HIP1: variants seen among roughly 807,000 people sequenced by gnomAD.
The protein encoded by HIP1 is huntingtin-interacting protein 1.
In HIP1, 65 loss-of-function variants were observed where a neutral mutation model predicts 147.6. The observed-to-expected ratio is 0.44, with a 90% CI of 0.36 to 0.54. The LOEUF is 0.54. Ranked by LOEUF, HIP1 falls within the 20% of genes least tolerant of loss-of-function variation. The pLI is 0.00. For missense variants in HIP1, 1,061 were observed against 1,299.6 expected, an observed-to-expected ratio of 0.82 and a Z score of 2.82; for synonymous variants, 479 against 504.0, an observed-to-expected ratio of 0.95 and a Z score of 0.67.
At chr7:75,658,769 A>T (rs1312686691) in intron 1 of HIP1, among the ~76,000 whole-genome samples, 1 of 151,858 alleles carries the variant, frequency 6.6e-6, no homozygotes, top group Non-Finnish European at 1.5e-5. Flanking sequence ...TAAAAAAAAA[A>T]TCACCTGTAA....
chr7:75,693,152 G>A (rs1217216115), intron 1 of HIP1, among the ~76,000 whole-genome samples: 10 of 147,954 alleles, frequency 6.8e-5, no homozygotes, highest in East Asian at 5.9e-4. Context: ...GTAACAGAGC[G>A]AAACCCTGTC....
At chr7:75,604,139 C>T (rs587728105) in intron 1 of HIP1, among the ~76,000 whole-genome samples, 1 of 152,296 alleles carries the variant, frequency 6.6e-6, no homozygotes, top group East Asian at 1.9e-4. Flanking sequence ...TAGGCTGGGG[C>T]ACCATGACAA....
chr7:75,669,803 T>G (rs1450348945), intron 1 of HIP1, among the ~76,000 whole-genome samples: 2 of 152,148 alleles, frequency 1.3e-5, no homozygotes, highest in Non-Finnish European at 2.9e-5. Flanking sequence ...ACTTCATTCC[T>G]TTATTTATTT....
At chr7:75,733,253 C>T (rs1393799772) in intron 1 of HIP1, among the ~76,000 whole-genome samples, 3 of 151,986 alleles carry the variant, frequency 2.0e-5, no homozygotes, top group African/African-American at 7.2e-5. Context: ...TGACCCTGGG[C>T]ACGTTACCAA....
intron 1 of HIP1, among the ~76,000 whole-genome samples, chr7:75,645,221 A>T (rs1331019715): frequency 1.3e-5 from 2 of 151,730 alleles, no homozygotes; most frequent in Non-Finnish European, 2.9e-5. Flanking sequence ...TTTTATTTTT[A>T]ATTTATTTTA....
intron 24 of HIP1, among the ~76,000 whole-genome samples, chr7:75,547,331 G>A (rs774831766): frequency 1.3e-5 from 2 of 152,126 alleles, no homozygotes; most frequent in African/African-American, 2.4e-5. Context: ...GCAGAGGCAC[G>A]ATCTTGGCTC....
intron 1 of HIP1, among the ~76,000 whole-genome samples, chr7:75,639,492 C>T (rs1296196770): frequency 6.6e-6 from 1 of 151,824 alleles, no homozygotes; most frequent in East Asian, 1.9e-4. Flanking sequence ...CAAAAGGTGG[C>T]TTCTCCCCAG....
intron 2 of HIP1, among the ~76,000 whole-genome samples, chr7:75,596,328 C>T (rs1484940490): frequency 4.0e-5 from 6 of 151,412 alleles, no homozygotes; most frequent in African/African-American, 1.2e-4. Context: ...ATTTATTCAC[C>T]ATTTAGAAAT....
intron 1 of HIP1, among the ~76,000 whole-genome samples, chr7:75,655,329 A>G (rs1554512477): frequency 6.6e-6 from 1 of 152,192 alleles, no homozygotes; most frequent in African/African-American, 2.4e-5. Context: ...CTGTAATCCC[A>G]GCACTTTGGG....
chr7:75,656,194 A>T (rs59989932), intron 1 of HIP1, among the ~76,000 whole-genome samples: 12,345 of 151,788 alleles, frequency 0.081, 990 homozygotes, highest in African/African-American at 0.2. Context: ...ATTTTTTTTT[A>T]AAAGCACAAA....
rs377491743 is a variant in HIP1, at chr7:75,646,518, C to T, written c.121-47271G>A. ...TGCCTGTGCTGTCCTCTCTGATGCT[C>T]CCAGCGAGCTTCACCAATGTGGACA... is the stretch of plus-strand genomic sequence containing the variant. On this transcript the variant is annotated intron_variant, in intron 1 of 30. Transcript: ENST00000336926. Among the ~76,000 whole-genome samples the T allele has an allele frequency of 1.5e-4, 23 of 152,378 alleles. No homozygotes were observed. In the East Asian group the frequency reaches 4.2e-3, roughly 28 times the overall value.
chr7:75,617,051 T>G, intron 1 of HIP1, among the ~76,000 whole-genome samples: 1 of 150,136 alleles, frequency 6.7e-6, no homozygotes. Context: ...GGAGCACAGG[T>G]GCATGCCACC....
intron 7 of HIP1, among the ~76,000 whole-genome samples, chr7:75,575,671 C>G (rs1795819911): frequency 6.6e-6 from 1 of 152,082 alleles, no homozygotes. Context: ...CTCCTGCCCC[C>G]CATCCTAGAC....
chr7:75,578,649 G>C (rs1218930378), intron 7 of HIP1, among the ~76,000 whole-genome samples: 2 of 152,162 alleles, frequency 1.3e-5, no homozygotes, highest in Admixed American at 1.3e-4. Flanking sequence ...CTGCATTCCA[G>C]CTTGGGTGAC....
chr7:75,706,756 A>G (rs1296762345), intron 1 of HIP1, among the ~76,000 whole-genome samples: 1 of 105,966 alleles, frequency 9.4e-6, no homozygotes, highest in Non-Finnish European at 1.8e-5. Flanking sequence ...AGCATTAGGT[A>G]TATCTCCCAA....
intron 1 of HIP1, among the ~76,000 whole-genome samples, chr7:75,667,878 A>C (rs547755295): frequency 6.6e-6 from 1 of 152,372 alleles, no homozygotes; most frequent in South Asian, 2.1e-4. Context: ...TGTAAGACGC[A>C]ATGCCAATTC....
chr7:75,669,363 A>G (rs1799667472), intron 1 of HIP1, among the ~76,000 whole-genome samples: 2 of 152,036 alleles, frequency 1.3e-5, no homozygotes, highest in African/African-American at 4.8e-5. Context: ...ACAGAGCGAG[A>G]CTCCATCTCA....
intron 14 of HIP1, 50 bp from the exon 15 acceptor site, chr7:75,558,305 G>T: frequency 7.1e-7 from 1 of 1,416,788 alleles, no homozygotes; most frequent in Non-Finnish European, 1.0e-6. Context: ...AGGGACCCTT[G>T]CCTTCCTTGC....
At chr7:75,636,459 T>G (rs1252081980) in intron 1 of HIP1, among the ~76,000 whole-genome samples, 1 of 152,186 alleles carries the variant, frequency 6.6e-6, no homozygotes, top group East Asian at 1.9e-4. Flanking sequence ...CTGTCAAGGA[T>G]GTTCCTGAAA....
Sources: allele counts gnomAD v4.1 joint callset (sites outside exome capture counted in the v4.1 genomes callset), GRCh38; gene constraint gnomAD v4.1.1; transcripts MANE v1.5; gene names NCBI Gene and HGNC (gene_info 2026-07-23, HGNC 2026-07-21).